LDLRAD3: variants seen among roughly 807,000 people sequenced by gnomAD.
LDLRAD3 encodes low-density lipoprotein receptor class A domain-containing protein 3.
LDLRAD3 carries 20 observed loss-of-function variants against 29.4 expected under a neutral mutation model. The ratio of observed to expected loss-of-function variants is 0.68; its 90% CI spans 0.48 to 0.99. The LOEUF is 0.99. LDLRAD3 is among the 50% of genes least tolerant of loss of function. The probability of loss-of-function intolerance (pLI) is 0.00; values close to 1 mark genes in which losing one functional copy is unlikely to be tolerated. For missense variants in LDLRAD3, 420 were observed against 454.3 expected (o/e 0.92, Z 0.69); for synonymous variants, 157 against 192.7 (o/e 0.81, Z 1.53).
At chr11:36,117,828 A>C (rs770357674) in intron 4 of LDLRAD3, among the ~76,000 whole-genome samples, 9 of 152,254 alleles carry the variant, frequency 5.9e-5, no homozygotes, top group African/African-American at 2.2e-4. Flanking sequence ...AATTCAGATT[A>C]TTATGTAAGA....
intron 2 of LDLRAD3, among the ~76,000 whole-genome samples, chr11:36,058,556 G>C (rs1015308390): frequency 2.7e-4 from 41 of 152,178 alleles, no homozygotes; most frequent in African/African-American, 9.9e-4. Context: ...TAGAGGGAGA[G>C]CCCTCTGAAT....
At chr11:36,092,877 G>C (rs1853304061) in intron 3 of LDLRAD3, among the ~76,000 whole-genome samples, 1 of 152,194 alleles carries the variant, frequency 6.6e-6, no homozygotes, top group African/African-American at 2.4e-5. Context: ...ATGGTTGGGA[G>C]GCATTTTTCT....
chr11:36,010,747 G>A (rs1412172542), intron 1 of LDLRAD3, among the ~76,000 whole-genome samples: 3 of 152,122 alleles, frequency 2.0e-5, no homozygotes, highest in Non-Finnish European at 2.9e-5. Flanking sequence ...AGCCTGGGTG[G>A]AAATTATTCC....
chr11:36,078,935 T>G (rs1460104190), intron 2 of LDLRAD3, among the ~76,000 whole-genome samples: 1 of 152,138 alleles, frequency 6.6e-6, no homozygotes, highest in East Asian at 1.9e-4. Context: ...AGCTGTGCCA[T>G]CAGCTGGGTG....
chr11:36,061,324 A>G (rs1429657919), intron 2 of LDLRAD3, among the ~76,000 whole-genome samples: 1 of 152,088 alleles, frequency 6.6e-6, no homozygotes, highest in African/African-American at 2.4e-5. Context: ...TTTTTTTAGT[A>G]GAGACGGGGT....
chr11:35,997,528 C>T (rs905522806), intron 1 of LDLRAD3: 15 of 354,434 alleles, frequency 4.2e-5, no homozygotes, highest in African/African-American at 2.4e-4. Context: ...TTCCAGTCAC[C>T]GGTTGCCTTG....
intron 1 of LDLRAD3, among the ~76,000 whole-genome samples, chr11:35,958,599 G>A (rs1646945523): frequency 6.6e-6 from 1 of 152,144 alleles, no homozygotes; most frequent in African/African-American, 2.4e-5. Flanking sequence ...GGACTCCTGG[G>A]TGCCTGGTCT....
In LDLRAD3 at chr11:35,991,863, TTGTTTGTG is replaced by T. The variant is rs1456707799; in HGVS notation, c.47-44236_47-44229del. On this transcript the variant is annotated intron_variant, in intron 1 of 5. Coordinates refer to ENST00000315571, the MANE Select transcript of LDLRAD3 (RefSeq NM_174902.4). Reference sequence around the variant, plus strand: ...GCAGAGCAGTTCATAAATTGAATGGTTGTTTGTGTGTGTGTGTGTGTGTGTGTGTGTGT... The same window carrying T: ...GCAGAGCAGTTCATAAATTGAATGGTTGTGTGTGTGTGTGTGTGTGTGTGT... Among the ~76,000 whole-genome samples, 191 of 103,842 alleles carry T rather than the reference TTGTTTGTG, an allele frequency of 1.8e-3. 1 individual carries two copies. Among genetic ancestry groups the T allele is most frequent in the Admixed American group, 6.3e-3 (73 of 11,582 alleles). The allele number at this position is 103,842 out of a possible 152,430, so 68.1% of individuals were successfully genotyped here.
At chr11:36,035,119 G>T (rs562908333) in intron 1 of LDLRAD3, among the ~76,000 whole-genome samples, 93 of 151,774 alleles carry the variant, frequency 6.1e-4, no homozygotes, top group African/African-American at 2.1e-3. Flanking sequence ...TCCAGTAAAT[G>T]CTTATGGAAT....
intron 1 of LDLRAD3, among the ~76,000 whole-genome samples, chr11:35,997,007 C>T (rs1219219023): frequency 6.6e-6 from 1 of 152,106 alleles, no homozygotes; most frequent in Admixed American, 6.6e-5. Flanking sequence ...TCATGTCAAA[C>T]AAGGACAGTG....
intron 1 of LDLRAD3, among the ~76,000 whole-genome samples, chr11:35,978,965 C>A (rs1851507723): frequency 1.3e-5 from 2 of 152,202 alleles, no homozygotes; most frequent in African/African-American, 4.8e-5. Flanking sequence ...ATACCAGAAT[C>A]TCAGATTTGC....
intron 4 of LDLRAD3, among the ~76,000 whole-genome samples, chr11:36,169,295 A>C (rs1316664745): frequency 6.6e-6 from 1 of 152,212 alleles, no homozygotes; most frequent in Non-Finnish European, 1.5e-5. Flanking sequence ...TTCTGCTGGG[A>C]ACATGCCAAA....
At chr11:36,077,434 A>G (rs1053076627) in intron 2 of LDLRAD3, among the ~76,000 whole-genome samples, 20 of 152,154 alleles carry the variant, frequency 1.3e-4, no homozygotes, top group African/African-American at 4.8e-4. Context: ...TTCTCTGCCT[A>G]CTTGACCTGG....
chr11:36,103,414 A>G (rs1344816677), intron 4 of LDLRAD3, among the ~76,000 whole-genome samples: 1 of 151,416 alleles, frequency 6.6e-6, no homozygotes. Flanking sequence ...ATTTTTTTGT[A>G]TTTTTTAGTA....
chr11:36,163,923 A>G (rs1239323557), intron 4 of LDLRAD3, among the ~76,000 whole-genome samples: 2 of 152,308 alleles, frequency 1.3e-5, no homozygotes, highest in South Asian at 2.1e-4. Flanking sequence ...TCCCGTTTTC[A>G]TCTTTGTCCC....
chr11:35,984,963 A>G (rs1462021250), intron 1 of LDLRAD3, among the ~76,000 whole-genome samples: 2 of 138,666 alleles, frequency 1.4e-5, no homozygotes, highest in African/African-American at 5.6e-5. Context: ...TCCCTGAGAC[A>G]GGGTCCCACT....
At chr11:36,070,940 CAGA>C (rs923434891) in intron 2 of LDLRAD3, among the ~76,000 whole-genome samples, 16 of 152,140 alleles carry the variant, frequency 1.1e-4, no homozygotes, top group Admixed American at 2.0e-4. Flanking sequence ...GAGCATCTCA[CAGA>C]AGGAGGATGC....
At chr11:36,017,758 C>G (rs1852042544) in intron 1 of LDLRAD3, among the ~76,000 whole-genome samples, 1 of 152,102 alleles carries the variant, frequency 6.6e-6, no homozygotes, top group Non-Finnish European at 1.5e-5. Flanking sequence ...CTCCCGACCT[C>G]AAGTGATCCA....
At chr11:36,097,821 A>T (rs1288369336) in intron 3 of LDLRAD3, among the ~76,000 whole-genome samples, 2 of 151,420 alleles carry the variant, frequency 1.3e-5, no homozygotes. Flanking sequence ...ATATTTGCAT[A>T]AATAAAAAAA....
Sources: allele counts gnomAD v4.1 joint callset (sites outside exome capture counted in the v4.1 genomes callset), GRCh38; gene constraint gnomAD v4.1.1; transcripts MANE v1.5; gene names NCBI Gene and HGNC (gene_info 2026-07-23, HGNC 2026-07-21).